The following CNDP1 variants were observed in gnomAD, a reference collection of about 807,000 sequenced individuals.
The protein encoded by CNDP1 is beta-Ala-His dipeptidase.
Under a neutral mutation model 58.1 loss-of-function variants are expected in CNDP1, and 44 were observed. That is an observed-to-expected ratio of 0.76 (90% CI 0.60 to 0.97). The LOEUF is 0.97. Among genes scored for constraint, CNDP1 ranks in the 50% least tolerant of loss-of-function variants. The pLI is 0.00. For synonymous variants in CNDP1, 254 were observed against 252.6 expected (o/e 1.01, Z -0.05); for missense variants, 616 against 655.1 (o/e 0.94, Z 0.65).
intron 7 of CNDP1, among the ~76,000 whole-genome samples, chr18:74,574,067 A>T (rs7506760): frequency 6.6e-6 from 1 of 151,832 alleles, no homozygotes; most frequent in African/African-American, 2.4e-5. Context: ...ACTTCCAGGG[A>T]CCCCTGATGT....
chr18:74,544,624 A>T (rs572906305), intron 1 of CNDP1, among the ~76,000 whole-genome samples: 1 of 151,476 alleles, frequency 6.6e-6, no homozygotes, highest in Admixed American at 6.6e-5. Flanking sequence ...AGGCTGAGGC[A>T]AGAAAAATCA....
At chr18:74,563,298 C>T (rs1981248900) in intron 5 of CNDP1, among the ~76,000 whole-genome samples, 1 of 152,114 alleles carries the variant, frequency 6.6e-6, no homozygotes, top group Non-Finnish European at 1.5e-5. Context: ...AAGCTCGCAT[C>T]ACATACGCCC....
chr18:74,538,138 A>G (rs1476632801), intron 1 of CNDP1, among the ~76,000 whole-genome samples: 1 of 152,032 alleles, frequency 6.6e-6, no homozygotes, highest in Non-Finnish European at 1.5e-5. Flanking sequence ...ATTTTAGAAC[A>G]TTTTCCTCAC....
Position 74,586,065 on chromosome 18 carries a change from C to CT in CNDP1, c.*1505dup, listed in dbSNP as rs1344724919. 3 of 142,548 alleles carry CT rather than the reference C, an allele frequency of 2.1e-5. No homozygotes were observed. Among genetic ancestry groups the CT allele is most frequent in the Non-Finnish European group, 3.0e-5 (2 of 65,880 alleles). 8.8% of individuals were successfully genotyped at this position (142,548 alleles called of 1,614,324 possible). A position where few individuals can be genotyped will look rare whatever the true frequency, so the allele number is the denominator to read the frequency against. ...ACTTTTTTCCATCACTCTGTTGGTT[C>CT]TTGAGATGTCAGTGTCAGTTTAAAA... On this transcript the variant is annotated 3_prime_UTR_variant, in exon 12 of 12. Transcript: ENST00000358821.
intron 1 of CNDP1, among the ~76,000 whole-genome samples, chr18:74,549,374 T>G (rs1980840465): frequency 6.6e-6 from 1 of 152,262 alleles, no homozygotes; most frequent in Admixed American, 6.5e-5. Context: ...ATGATTCTGA[T>G]GTTAGTTCTG....
intron 1 of CNDP1, among the ~76,000 whole-genome samples, chr18:74,543,081 T>C (rs1363718505): frequency 1.3e-5 from 2 of 152,368 alleles, no homozygotes; most frequent in Non-Finnish European, 2.9e-5. Context: ...GAGTAGAACA[T>C]GTTTAAAATG....
intron 1 of CNDP1, among the ~76,000 whole-genome samples, chr18:74,554,187 C>T (rs765263018): frequency 1.3e-5 from 2 of 152,210 alleles, no homozygotes; most frequent in Non-Finnish European, 2.9e-5. Flanking sequence ...CATTGACTCT[C>T]ACTCTGCCAC....
At chr18:74,543,479 T>C (rs966486969) in intron 1 of CNDP1, among the ~76,000 whole-genome samples, 2 of 150,632 alleles carry the variant, frequency 1.3e-5, no homozygotes, top group African/African-American at 4.9e-5. Context: ...GGCAACAGAG[T>C]GAGATCCTGT....
At chr18:74,560,138 C>A (rs1981150608) in intron 3 of CNDP1, among the ~76,000 whole-genome samples, 1 of 151,786 alleles carries the variant, frequency 6.6e-6, no homozygotes, top group Non-Finnish European at 1.5e-5. Context: ...GCCTCAGCCT[C>A]CCGAGTAGCT....
intron 5 of CNDP1, among the ~76,000 whole-genome samples, chr18:74,565,988 T>C (rs1156266444): frequency 3.3e-5 from 5 of 152,218 alleles, no homozygotes; most frequent in Admixed American, 6.5e-5. Context: ...TAGTTAGAGG[T>C]TCCCACACCT....
chr18:74,572,146 C>T (rs1334370096), intron 7 of CNDP1, among the ~76,000 whole-genome samples: 3 of 152,016 alleles, frequency 2.0e-5, no homozygotes, highest in South Asian at 2.1e-4. Context: ...GCGACGCCGA[C>T]GAGTTCCCCG....
chr18:74,548,422 G>T (rs183548635), intron 1 of CNDP1, among the ~76,000 whole-genome samples: 2 of 152,264 alleles, frequency 1.3e-5, no homozygotes, highest in East Asian at 3.9e-4. Context: ...TACACCATGG[G>T]TAAAAGCTCC....
intron 5 of CNDP1, among the ~76,000 whole-genome samples, chr18:74,564,297 C>G (rs901757529): frequency 6.6e-6 from 1 of 151,880 alleles, no homozygotes; most frequent in Non-Finnish European, 1.5e-5. Flanking sequence ...ATGTGGTTCT[C>G]AAAGATATGA....
At chr18:74,548,648 AACAG>A (rs1418064506) in intron 1 of CNDP1, among the ~76,000 whole-genome samples, 1 of 152,238 alleles carries the variant, frequency 6.6e-6, no homozygotes, top group Non-Finnish European at 1.5e-5. Flanking sequence ...GGAACTCAGT[AACAG>A]ACAGAGGTTG....
chr18:74,550,738 G>A (rs11664535), intron 1 of CNDP1, among the ~76,000 whole-genome samples: 16,267 of 133,350 alleles, frequency 0.12, 1,186 homozygotes, highest in Non-Finnish European at 0.17. Context: ...CACCACGCCC[G>A]ACTATTTTTT....
Position 74,571,255 on chromosome 18 carries a change from C to CTGGT in CNDP1, c.829_832dup (p.Ala278GlyfsTer6), listed in dbSNP as rs766394534. 5.6e-6 allele frequency: 9 copies of CTGGT among 1,611,062 alleles called. No individual in the cohort carries two copies. Among genetic ancestry groups the CTGGT allele is most frequent in the Non-Finnish European group, 7.6e-6 (9 of 1,177,256 alleles). On this transcript the variant is annotated frameshift_variant, in exon 7 of 12. Coordinates refer to ENST00000358821, the MANE Select transcript of CNDP1 (RefSeq NM_032649.6). LOFTEE classifies it high-confidence loss of function. ...CATCCTTCATGAACCAATGGCTGAT[C>CTGGT]TGGTTGCTCTTCTCGGTAATGCCTT...
chr18:74,561,506 A>T, intron 4 of CNDP1: 1 of 155,948 alleles, frequency 6.4e-6, no homozygotes, highest in East Asian at 1.9e-4. Flanking sequence ...TGTGAAAAAA[A>T]CGGTAAACTT....
In CNDP1 at chr18:74,586,212, T is replaced by C. The variant is rs1981911497; in HGVS notation, c.*1650T>C. 6.6e-6 allele frequency: 1 copy of C among 152,128 alleles called. No homozygotes were observed. The highest frequency in any genetic ancestry group is 2.1e-4 in the South Asian group (1 of 4,824). The allele number at this position is 152,128 out of a possible 1,614,324, so 9.4% of individuals were successfully genotyped here. ...CCTAGTTGTGGGCATTTGTGAAGGA[T>C]TCCAGTTAGTGTTTTCTTTGGAAGC... On this transcript the variant is annotated 3_prime_UTR_variant, in exon 12 of 12. Transcript: ENST00000358821.
intron 1 of CNDP1, among the ~76,000 whole-genome samples, chr18:74,543,651 A>C (rs1231035054): frequency 6.6e-6 from 1 of 152,226 alleles, no homozygotes; most frequent in African/African-American, 2.4e-5. Flanking sequence ...AGTGAGAATT[A>C]ATGAACTGAA....
Sources: gnomAD v4.1 joint callset for allele counts (sites outside exome capture counted in the v4.1 genomes callset) on GRCh38, gnomAD v4.1.1 for gene constraint, MANE v1.5 for transcripts, NCBI Gene and HGNC (gene_info 2026-07-23, HGNC 2026-07-21) for gene names.